Variants in IL16 observed in about 807,000 individuals in gnomAD.
IL16 encodes the protein pro-interleukin-16.
IL16 carries 67 observed loss-of-function variants against 110.1 expected under a neutral mutation model. The observed-to-expected ratio is 0.61, with a 90% CI of 0.50 to 0.75. IL16 has a LOEUF of 0.75. IL16 is among the 30% of genes least tolerant of loss of function. The pLI, the probability that IL16 is intolerant of heterozygous loss-of-function variation, is 0.00. For synonymous variants in IL16, 689 were observed against 662.9 expected, an observed-to-expected ratio of 1.04 and a Z score of -0.61; for missense variants, 1,545 against 1,655.0, an observed-to-expected ratio of 0.93 and a Z score of 1.15.
At chr15:81,308,454 C>G (rs986213849) in intron 18 of IL16, 151 bp from the exon 19 acceptor site, 18 of 588,656 alleles carry the variant, frequency 3.1e-5, no homozygotes, top group Non-Finnish European at 3.6e-5. Flanking sequence ...TTAAGAGATG[C>G]CTCATTTTAG....
At position 81,292,853 on chromosome 15, in the gene IL16, G is replaced by A. The variant is rs546097031; in HGVS notation, c.1718G>A (p.Arg573Gln). 8.7e-6 allele frequency: 14 copies of A among 1,613,842 alleles called. No homozygotes were observed. The highest frequency in any genetic ancestry group is 6.7e-5 in the East Asian group (3 of 44,866). The change falls in exon 12 of 19, where the codon CGG becomes CAG. Residue 573 changes from arginine (R) to glutamine (Q), a missense_variant. Coordinates refer to ENST00000683961, the MANE Select transcript of IL16 (RefSeq NM_172217.5). The part of the protein sequence containing the change: ...PQESPPLPES[R>Q]DSHPPLRLKK... Reference sequence around the variant, plus strand: ...GAGAGCCCACCCCTCCCAGAGAGCCGGGACAGCCACCCGCCGCTGAGACTG... The same window carrying A: ...GAGAGCCCACCCCTCCCAGAGAGCCAGGACAGCCACCCGCCGCTGAGACTG...
intron 6 of IL16, among the ~76,000 whole-genome samples, chr15:81,276,290 C>T (rs1024523606): frequency 6.6e-6 from 1 of 151,866 alleles, no homozygotes; most frequent in Non-Finnish European, 1.5e-5. Context: ...AATAATATAG[C>T]ACATCCAAAA....
intron 1 of IL16, among the ~76,000 whole-genome samples, chr15:81,223,208 TAGGGAA>T (rs1567003438): frequency 6.6e-6 from 1 of 151,852 alleles, no homozygotes. Context: ...TCAGTGGCTG[TAGGGAA>T]AGGAAGCTGA....
In IL16 at chr15:81,285,815, A is replaced by G. The variant is rs757719847; in HGVS notation, c.1317A>G (p.Arg439=). Residue 439 remains arginine (R), a synonymous_variant, in exon 10 of 19, where the codon CGA becomes CGG. Transcript: ENST00000683961. The part of the protein sequence containing the change: ...DPGPVPIIVS[R]HPDPQVSEQQ... ...GTCCAGTCCCCATCATTGTTAGCCG[A>G]CATCCAGACCCACAGGTAACACCCA... is the stretch of plus-strand genomic sequence containing the variant. The G allele has an allele frequency of 2.5e-6, 4 of 1,614,214 alleles. No individual in the cohort carries two copies. The highest frequency in any genetic ancestry group is 2.5e-6 in the Non-Finnish European group (3 of 1,180,026).
chr15:81,301,816 G>C (rs1900303390), intron 15 of IL16, among the ~76,000 whole-genome samples: 1 of 152,238 alleles, frequency 6.6e-6, no homozygotes, highest in Admixed American at 6.5e-5. Flanking sequence ...CCAAGTTCAA[G>C]TTCAGTGCTG....
intron 2 of IL16, among the ~76,000 whole-genome samples, chr15:81,246,308 T>A (rs974079976): frequency 8.5e-5 from 13 of 152,156 alleles, no homozygotes; most frequent in African/African-American, 3.1e-4. Flanking sequence ...GAAAGTTCCC[T>A]TAGGCTGCCC....
rs186617577 is a variant in IL16 at position 81,292,826 on chromosome 15, A to G, written c.1691A>G (p.Gln564Arg). The part of the protein sequence containing the change: ...VLSIASSRLP[Q>R]ESPPLPESRD... ...TCTATAGCATCCTCCAGGCTGCCCC[A>G]GGAGAGCCCACCCCTCCCAGAGAGC... Residue 564 changes from glutamine (Q) to arginine (R), a missense_variant, in exon 12 of 19, where the codon CAG (glutamine) becomes CGG (arginine). Physicochemically the swap from Gln to Arg is conservative, Grantham distance 43. This residue lies in a region of IL16 where 1,185 missense variants were observed against 1,238.8 expected (regional missense o/e 0.96). Coordinates refer to ENST00000683961, the MANE Select transcript of IL16 (RefSeq NM_172217.5). The G allele has an allele frequency of 1.3e-4, 215 of 1,614,064 alleles. 3 individuals are homozygous for G. The East Asian group carries it at 4.4e-3, about 33-fold the overall frequency.
At chr15:81,297,888 CTGTT>C (rs557084679) in intron 13 of IL16, among the ~76,000 whole-genome samples, 293 of 152,334 alleles carry the variant, frequency 1.9e-3, no homozygotes, top group African/African-American at 6.7e-3. Flanking sequence ...AAACATATGA[CTGTT>C]TGAGTAACAC....
intron 1 of IL16, among the ~76,000 whole-genome samples, chr15:81,187,040 G>GCTTC (rs1304323948): frequency 6.6e-6 from 1 of 152,140 alleles, no homozygotes; most frequent in African/African-American, 2.4e-5. Flanking sequence ...AGCCCCCCTG[G>GCTTC]CTTCCTCTCT....
upstream of IL16, chr15:81,196,741 C>A (rs372916499): frequency 1.4e-6 from 1 of 704,840 alleles, no homozygotes; most frequent in Non-Finnish European, 1.8e-6. Context: ...TGCCGGCCAG[C>A]CCAGCAGATG....
chr15:81,313,807 C>T lies in IL16; in HGVS notation c.*5009C>T, dbSNP rs535292983. ...GGCTCCTGGGACCCTTTCAAGGGGT[C>T]TACAAAGTTAACACTATTTTTATAA... On this transcript the variant is annotated 3_prime_UTR_variant, in exon 19 of 19. Coordinates refer to ENST00000683961, the MANE Select transcript of IL16 (RefSeq NM_172217.5). 6.4e-6 allele frequency: 1 copy of T among 155,046 alleles called. No individual in the cohort carries two copies. Among genetic ancestry groups the T allele is most frequent in the East Asian group, 1.9e-4 (1 of 5,344 alleles). The allele number at this position is 155,046 out of a possible 1,614,324, so 9.6% of individuals were successfully genotyped here. A position where few individuals can be genotyped will look rare whatever the true frequency, so the allele number is the denominator to read the frequency against.
At chr15:81,242,672 T>A (rs1897376436) in intron 2 of IL16, among the ~76,000 whole-genome samples, 2 of 152,332 alleles carry the variant, frequency 1.3e-5, no homozygotes, top group South Asian at 4.2e-4. Context: ...AGGACAGTTT[T>A]ATTTCTTCCT....
At chr15:81,196,790 A>G, upstream of IL16, 1 of 1,068,670 alleles carries the variant, frequency 9.4e-7, no homozygotes, top group South Asian at 2.1e-5. Context: ...CAGCACTGGC[A>G]GCCCCCCTTT....
At chr15:81,200,624 A>G (rs1398635144) in intron 1 of IL16, among the ~76,000 whole-genome samples, 4 of 151,912 alleles carry the variant, frequency 2.6e-5, no homozygotes, top group African/African-American at 9.7e-5. Flanking sequence ...GCTCGCCTCA[A>G]CCTCCCAAAG....
In IL16 at chr15:81,299,475, A is replaced by G. The variant is rs34460207; in HGVS notation, c.2149A>G (p.Ile717Val). ...DTTAEDPWVR[I>V]SDCIKNLFSP... The stretch of plus-strand genomic sequence containing the variant: ...CACAGCCGAAGACCCTTGGGTTAGG[A>G]TTTCTGACTGCATCAAAAACTTATT... The change falls in exon 14 of 19, where the codon ATT (isoleucine) becomes GTT (valine). Residue 717 changes from isoleucine (I) to valine (V), a missense_variant. Ile to Val is a conservative substitution (Grantham distance 29, BLOSUM62 3). Around this residue, in one of 3 missense-constraint regions of IL16, gnomAD observed 1,185 missense variants for 1,238.8 expected, o/e 0.96. Transcript: ENST00000683961. The G allele has an allele frequency of 0.012, 19,246 of 1,614,090 alleles. 200 individuals are homozygous for G. Among genetic ancestry groups the G allele is most frequent in the South Asian group, 0.035 (3,179 of 91,076 alleles).
intron 2 of IL16, among the ~76,000 whole-genome samples, chr15:81,249,752 G>A (rs528354728): frequency 1.2e-4 from 19 of 152,130 alleles, no homozygotes; most frequent in African/African-American, 2.9e-4. Context: ...TAATAATTAC[G>A]TGAAGTATAA....
intron 11 of IL16, among the ~76,000 whole-genome samples, chr15:81,290,781 G>A (rs1899677347): frequency 6.6e-6 from 1 of 152,144 alleles, no homozygotes; most frequent in Non-Finnish European, 1.5e-5. Flanking sequence ...AAATGTGCCA[G>A]GCTCTCTCCA....
At chr15:81,197,423 G>A (rs1208041076) in intron 1 of IL16, among the ~76,000 whole-genome samples, 5 of 152,128 alleles carry the variant, frequency 3.3e-5, no homozygotes, top group Admixed American at 6.5e-5. Context: ...TCTGCAGCAC[G>A]GGGAGAATTT....
At position 81,314,052 on chromosome 15, in the gene IL16, A is replaced by G. The variant is rs1484900199; in HGVS notation, c.*5254A>G. 6.6e-6 allele frequency: 1 copy of G among 152,214 alleles called. No homozygotes were observed. The highest frequency in any genetic ancestry group is 1.5e-5 in the Non-Finnish European group (1 of 68,036). The allele number at this position is 152,214 out of a possible 1,614,324, so 9.4% of individuals were successfully genotyped here. On this transcript the variant is annotated 3_prime_UTR_variant, in exon 19 of 19. Coordinates refer to ENST00000683961, the MANE Select transcript of IL16 (RefSeq NM_172217.5). The stretch of plus-strand genomic sequence containing the variant: ...GTTTTTTAAAATAAAAATGTTATCT[A>G]TGTTAACATGCAGTGCATTTTTATG...
Sources: allele counts gnomAD v4.1 joint callset (sites outside exome capture counted in the v4.1 genomes callset), GRCh38; gene constraint gnomAD v4.1.1; regional missense constraint gnomAD v4.1.1; transcripts MANE v1.5; gene names NCBI Gene and HGNC (gene_info 2026-07-23, HGNC 2026-07-21).